The following EFHD1 variants were observed in gnomAD, a reference collection of about 807,000 sequenced individuals.
EFHD1 encodes EF-hand domain-containing protein D1.
A neutral mutation model predicts 17.2 loss-of-function variants in EFHD1; 10 were observed. The ratio of observed to expected loss-of-function variants is 0.58; its 90% CI spans 0.36 to 0.99. The LOEUF is 0.99. Among genes scored for constraint, EFHD1 ranks in the 50% least tolerant of loss-of-function variants. The pLI is 0.01. For missense variants in EFHD1, 310 were observed against 327.5 expected (o/e 0.95, Z 0.41); for synonymous variants, 153 against 142.0 (o/e 1.08, Z -0.55).
At chr2:232,648,387 G>C (rs1347051570) in intron 1 of EFHD1, among the ~76,000 whole-genome samples, 1 of 152,162 alleles carries the variant, frequency 6.6e-6, no homozygotes, top group African/African-American at 2.4e-5. Flanking sequence ...CTAGAGCATT[G>C]GGAGTGACTG....
chr2:232,660,160 T>C (rs1287541501), intron 1 of EFHD1, among the ~76,000 whole-genome samples: 1 of 148,310 alleles, frequency 6.7e-6, no homozygotes, highest in Non-Finnish European at 1.5e-5. Flanking sequence ...ATTTTTAAAT[T>C]TGTGTTATTT....
At chr2:232,678,146 GGT>G (rs1205494442) in intron 3 of EFHD1, among the ~76,000 whole-genome samples, 1 of 151,982 alleles carries the variant, frequency 6.6e-6, no homozygotes, top group Non-Finnish European at 1.5e-5. Context: ...AGCTGGGCGT[GGT>G]GGCGTGTACC....
chr2:232,664,138 C>A (rs1031697572), intron 2 of EFHD1, among the ~76,000 whole-genome samples: 1 of 151,040 alleles, frequency 6.6e-6, no homozygotes, highest in East Asian at 2.0e-4. Flanking sequence ...ATTGTTTATT[C>A]ATTTATTTAT....
At chr2:232,654,204 C>A in intron 1 of EFHD1, among the ~76,000 whole-genome samples, 1 of 137,890 alleles carries the variant, frequency 7.3e-6, no homozygotes, top group Non-Finnish European at 1.6e-5. Context: ...GAGACTCCAT[C>A]TCAAAAAAAA....
At chr2:232,613,872 A>G (rs1693863445) in intron 1 of EFHD1, among the ~76,000 whole-genome samples, 1 of 124,772 alleles carries the variant, frequency 8.0e-6, no homozygotes, top group African/African-American at 2.9e-5. Context: ...ATAGACAAAT[A>G]TACACACACA....
At chr2:232,612,409 C>G (rs912245360) in intron 1 of EFHD1, among the ~76,000 whole-genome samples, 1 of 152,024 alleles carries the variant, frequency 6.6e-6, no homozygotes, top group African/African-American at 2.4e-5. Context: ...ATACAAAGTA[C>G]TTTTATAACT....
intron 1 of EFHD1, among the ~76,000 whole-genome samples, chr2:232,624,807 A>G (rs1694078695): frequency 1.3e-5 from 2 of 152,180 alleles, no homozygotes; most frequent in South Asian, 4.1e-4. Context: ...AGATGCTGGC[A>G]AAAAAGGAGG....
chr2:232,635,016 C>G (rs1694291323), intron 1 of EFHD1, among the ~76,000 whole-genome samples: 1 of 151,772 alleles, frequency 6.6e-6, no homozygotes, highest in Non-Finnish European at 1.5e-5. Flanking sequence ...CCTGAGCCTC[C>G]GCTGCCCCTG....
chr2:232,635,810 T>A (rs1694309172), intron 1 of EFHD1, among the ~76,000 whole-genome samples: 1 of 149,880 alleles, frequency 6.7e-6, no homozygotes, highest in Non-Finnish European at 1.5e-5. Flanking sequence ...CAGAGGGAGA[T>A]TCTGTCTCAA....
chr2:232,677,492 G>A (rs775024851), intron 3 of EFHD1, among the ~76,000 whole-genome samples: 7 of 151,702 alleles, frequency 4.6e-5, no homozygotes, highest in Non-Finnish European at 8.8e-5. Flanking sequence ...GGCTGAGGTG[G>A]GAGGATTGCT....
At chr2:232,640,687 C>G (rs1006872626) in intron 1 of EFHD1, among the ~76,000 whole-genome samples, 1 of 152,110 alleles carries the variant, frequency 6.6e-6, no homozygotes, top group African/African-American at 2.4e-5. Flanking sequence ...CCCCGAGAAG[C>G]CACCCACCAC....
chr2:232,644,603 C>G (rs534513232), intron 1 of EFHD1, among the ~76,000 whole-genome samples: 1 of 151,868 alleles, frequency 6.6e-6, no homozygotes, highest in South Asian at 2.1e-4. Context: ...ACCTCCGCCT[C>G]CCGGGTTCAA....
At chr2:232,631,013 G>A (rs1694191554), upstream of EFHD1, among the ~76,000 whole-genome samples, 1 of 151,986 alleles carries the variant, frequency 6.6e-6, no homozygotes, top group African/African-American at 2.4e-5. Flanking sequence ...ATTCCTTGGG[G>A]CCAGGAGTTC....
chr2:232,618,325 C>T (rs1044994083), intron 1 of EFHD1, among the ~76,000 whole-genome samples: 1 of 152,072 alleles, frequency 6.6e-6, no homozygotes, highest in African/African-American at 2.4e-5. Context: ...CGGCAATAAA[C>T]CAGTTTTAAA....
At chr2:232,665,984 A>G (rs777673346) in intron 2 of EFHD1, among the ~76,000 whole-genome samples, 1 of 152,086 alleles carries the variant, frequency 6.6e-6, no homozygotes, top group Non-Finnish European at 1.5e-5. Context: ...CCCACACCCA[A>G]CTAGCGCCCT....
At chr2:232,631,913 G>GA (rs1694209930), upstream of EFHD1, among the ~76,000 whole-genome samples, 1 of 151,110 alleles carries the variant, frequency 6.6e-6, no homozygotes, top group African/African-American at 2.4e-5. Flanking sequence ...TGAGGCAGGG[G>GA]AATCACTTGA....
chr2:232,646,436 CTTTTTTT>C (rs71398729), intron 1 of EFHD1, among the ~76,000 whole-genome samples: 9 of 67,138 alleles, frequency 1.3e-4, no homozygotes, highest in African/African-American at 2.5e-4. Flanking sequence ...CTCTTCTCTT[CTTTTTTT>C]TTTTTTTTTT....
At chr2:232,673,104 G>A (rs111930118) in intron 3 of EFHD1, among the ~76,000 whole-genome samples, 1 of 152,160 alleles carries the variant, frequency 6.6e-6, no homozygotes, top group Admixed American at 6.5e-5. Context: ...GCTGGGCACC[G>A]CATTGAGCTC....
chr2:232,637,690 G>A (rs899733911), intron 1 of EFHD1, among the ~76,000 whole-genome samples: 3 of 152,086 alleles, frequency 2.0e-5, no homozygotes, highest in South Asian at 2.1e-4. Flanking sequence ...TTCTGATGTC[G>A]CCTTAGTTCG....
Sources: gnomAD v4.1 joint callset for allele counts (sites outside exome capture counted in the v4.1 genomes callset) on GRCh38, gnomAD v4.1.1 for gene constraint, MANE v1.5 for transcripts, NCBI Gene and HGNC (gene_info 2026-07-23, HGNC 2026-07-21) for gene names.